TCF4: variants seen among roughly 807,000 people sequenced by gnomAD.
TCF4 encodes the protein SL3-3 enhancer factor 2.
In TCF4, 3 loss-of-function variants were observed where a neutral mutation model predicts 82.1. The ratio of observed to expected loss-of-function variants is 0.04; its 90% CI spans 0.02 to 0.09. The LOEUF is 0.09. TCF4 is among the 10% of genes least tolerant of loss of function. TCF4 has a pLI of 1.00. For missense variants in TCF4, 518 were observed against 852.7 expected, an observed-to-expected ratio of 0.61 and a Z score of 4.89; for synonymous variants, 276 against 309.6, an observed-to-expected ratio of 0.89 and a Z score of 1.14.
At chr18:55,549,155 G>C (rs1409410788) in intron 3 of TCF4, among the ~76,000 whole-genome samples, 1 of 152,048 alleles carries the variant, frequency 6.6e-6, no homozygotes, top group Non-Finnish European at 1.5e-5. Flanking sequence ...GCAAAAATTA[G>C]CTGCACGTGA....
Position 55,463,975 on chromosome 18 carries a change from TGTGAGA to T in TCF4, c.207+95_207+100del, listed in dbSNP as rs879189432. 4.5e-3 allele frequency: 1,048 copies of T among 233,908 alleles called. 1 individual carries two copies. The South Asian group carries it at 0.058, about 13-fold the overall frequency. The allele number at this position is 233,908 out of a possible 1,614,324, so 14.5% of individuals were successfully genotyped here. A position where few individuals can be genotyped will look rare whatever the true frequency, so the allele number is the denominator to read the frequency against. On this transcript the variant is annotated intron_variant, in intron 4 of 19. Transcript: ENST00000354452. ...GTGTGTGTGTGTGTGTGTGTGTGTGTGTGAGAGAGAGAGAGAGAGAGAGAGAGAAAC... is the reference window on the plus strand; with the variant it reads ...GTGTGTGTGTGTGTGTGTGTGTGTGTGAGAGAGAGAGAGAGAGAGAGAAAC...
rs903601428 is a variant in TCF4, at chr18:55,431,840, T to C, written c.305-28322A>G. On this transcript the variant is annotated intron_variant, in intron 5 of 19. Coordinates refer to ENST00000354452, the MANE Select transcript of TCF4 (RefSeq NM_001083962.2). ...ACAAACTGGGTTTCAAAATCACTCA[T>C]GGAAAATGAGATAACTAATGTCGGG... 2.6e-5 allele frequency among the ~76,000 whole-genome samples: 4 copies of C among 152,112 alleles called. No individual in the cohort carries two copies. The South Asian group carries it at 8.3e-4, about 31-fold the overall frequency.
At chr18:55,385,164 T>C (rs1368255128) in intron 6 of TCF4, among the ~76,000 whole-genome samples, 2 of 152,060 alleles carry the variant, frequency 1.3e-5, no homozygotes, top group African/African-American at 4.8e-5. Context: ...CTGGTAACTA[T>C]AGAGTCAAAT....
chr18:55,487,258 A>C (rs1439488219), intron 3 of TCF4, among the ~76,000 whole-genome samples: 1 of 152,234 alleles, frequency 6.6e-6, no homozygotes, highest in Non-Finnish European at 1.5e-5. Context: ...ATGAAGAATG[A>C]ATAAATAAAT....
chr18:55,303,331 A>C (rs2069016045), intron 8 of TCF4, among the ~76,000 whole-genome samples: 1 of 151,990 alleles, frequency 6.6e-6, no homozygotes, highest in South Asian at 2.1e-4. Flanking sequence ...TGTAAAATGC[A>C]GGATCGCTTT....
intron 8 of TCF4, among the ~76,000 whole-genome samples, chr18:55,313,220 AGAGT>A (rs1207948831): frequency 1.3e-5 from 2 of 152,188 alleles, no homozygotes; most frequent in Admixed American, 6.5e-5. Context: ...AACTCAGGAA[AGAGT>A]GAGTTAAATA....
chr18:55,257,176 G>A (rs543777533), intron 14 of TCF4, 139 bp downstream of exon 14: 2 of 838,136 alleles, frequency 2.4e-6, no homozygotes, highest in East Asian at 5.2e-5. Flanking sequence ...AATGACTCTG[G>A]CTCCCGCAAA....
At chr18:55,541,473 T>C (rs981782038) in intron 3 of TCF4, among the ~76,000 whole-genome samples, 2 of 152,008 alleles carry the variant, frequency 1.3e-5, no homozygotes, top group African/African-American at 2.4e-5. Flanking sequence ...CTTTTCTTAA[T>C]AAAAATCATG....
intron 3 of TCF4, among the ~76,000 whole-genome samples, chr18:55,570,566 A>C (rs1042342090): frequency 6.6e-6 from 1 of 152,124 alleles, no homozygotes; most frequent in African/African-American, 2.4e-5. Flanking sequence ...GTTTAACCGA[A>C]TTATCAAGGA....
At chr18:55,494,799 G>T (rs1217017837) in intron 3 of TCF4, among the ~76,000 whole-genome samples, 1 of 152,000 alleles carries the variant, frequency 6.6e-6, no homozygotes, top group African/African-American at 2.4e-5. Context: ...TTGTACCCTT[G>T]TAAGAACATA....
rs1322809915 is a variant in TCF4 at position 55,275,737 on chromosome 18, C to A, written c.671G>T (p.Ser224Ile). ...SFFMQDGHHS[S>I]DPWSSSSGMN... ...CCCACTGGAGGAGCTCCAAGGGTCA[C>A]TGCTGTGATGGCCATCTGTAAAGGA... Residue 224 changes from serine to isoleucine, a missense_variant, in exon 10 of 20, where the codon AGT becomes ATT. Ser to Ile is a moderately radical substitution (Grantham distance 142). Transcript: ENST00000354452. 6.2e-7 allele frequency: 1 copy of A among 1,613,724 alleles called. No individual in the cohort carries two copies. Among genetic ancestry groups the A allele is most frequent in the African/African-American group, 1.3e-5 (1 of 74,904 alleles).
chr18:55,548,672 A>C (rs2097228688), intron 3 of TCF4, among the ~76,000 whole-genome samples: 1 of 152,226 alleles, frequency 6.6e-6, no homozygotes. Context: ...CTATACACCT[A>C]GGCTATATGG....
At chr18:55,622,383 C>T (rs1383104777) in intron 2 of TCF4, among the ~76,000 whole-genome samples, 1 of 151,192 alleles carries the variant, frequency 6.6e-6, no homozygotes, top group Non-Finnish European at 1.5e-5. Context: ...GGTGTATGCC[C>T]GTGGTCCCAG....
At chr18:55,395,227 G>A (rs995888981) in intron 6 of TCF4, among the ~76,000 whole-genome samples, 5 of 152,102 alleles carry the variant, frequency 3.3e-5, no homozygotes, top group African/African-American at 7.2e-5. Context: ...ATGTAGATAC[G>A]TTTCAACATT....
In TCF4 at chr18:55,224,854, A is replaced by C. The variant is rs2046382950; in HGVS notation, c.*3181T>G. ...AATGTGGAGGTGGATCAACTGCTCC[A>C]AGTTGCTTTTAAAGTCCGAGTTTCT... On this transcript the variant is annotated 3_prime_UTR_variant, in exon 20 of 20. Transcript: ENST00000354452. 6.6e-6 allele frequency: 1 copy of C among 152,562 alleles called. No homozygotes were observed. The highest frequency in any genetic ancestry group is 2.1e-4 in the South Asian group (1 of 4,822). 9.5% of individuals were successfully genotyped at this position (152,562 alleles called of 1,614,324 possible).
intron 14 of TCF4, among the ~76,000 whole-genome samples, chr18:55,255,923 AG>A (rs1234359263): frequency 2.0e-5 from 3 of 152,202 alleles, no homozygotes; most frequent in Non-Finnish European, 4.4e-5. Flanking sequence ...TTATACTGAC[AG>A]GAAGAATGTG....
intron 8 of TCF4, among the ~76,000 whole-genome samples, chr18:55,346,718 T>A (rs2081260478): frequency 6.6e-6 from 1 of 152,202 alleles, no homozygotes; most frequent in Non-Finnish European, 1.5e-5. Context: ...TGATAAAACG[T>A]ATATAATTTT....
At chr18:55,277,137 T>C (rs1208325985) in intron 9 of TCF4, among the ~76,000 whole-genome samples, 1 of 152,214 alleles carries the variant, frequency 6.6e-6, no homozygotes, top group African/African-American at 2.4e-5. Context: ...GGGCACCAAG[T>C]ACCCCTCTAC....
Position 55,428,260 on chromosome 18 carries a change from C to T in TCF4, c.305-24742G>A, listed in dbSNP as rs1156441752. Among the ~76,000 whole-genome samples, 4 of 152,196 alleles carry T rather than the reference C, an allele frequency of 2.6e-5. No homozygotes were observed. The East Asian group carries it at 7.7e-4, about 29-fold the overall frequency. On this transcript the variant is annotated intron_variant, in intron 5 of 19. Coordinates refer to ENST00000354452, the MANE Select transcript of TCF4 (RefSeq NM_001083962.2). ...GCTTCTATAACATCACATTTCCCTT[C>T]TCTCCCAGTCCCTGGCATGCTCTTT... is the stretch of plus-strand genomic sequence containing the variant.
Sources: allele counts gnomAD v4.1 joint callset (sites outside exome capture counted in the v4.1 genomes callset), GRCh38; gene constraint gnomAD v4.1.1; transcripts MANE v1.5; gene names NCBI Gene and HGNC (gene_info 2026-07-23, HGNC 2026-07-21).